POGK: variants seen among roughly 807,000 people sequenced by gnomAD.
POGK encodes pogo transposable element derived with KRAB domain, also known as pogo transposable element with KRAB domain.
Under a neutral mutation model 54.4 loss-of-function variants are expected in POGK, and 16 were observed. That is an observed-to-expected ratio of 0.29 (90% confidence interval 0.20 to 0.45). POGK has a LOEUF of 0.45. POGK is among the 20% of genes least tolerant of loss of function. The pLI is 1.00. For missense variants in POGK, 515 were observed against 795.6 expected (o/e 0.65, Z 4.24); for synonymous variants, 271 against 302.2 (o/e 0.90, Z 1.07).
At chr1:166,846,781 A>G (rs1196012609) in intron 3 of POGK, 43 bp downstream of exon 3, 2 of 1,610,956 alleles carry the variant, frequency 1.2e-6, no homozygotes, top group Admixed American at 3.3e-5. Flanking sequence ...CTCTGAGCCC[A>G]GAGAATTGTT....
intron 5 of POGK, 139 bp downstream of exon 5, chr1:166,850,562 C>A: frequency 1.1e-6 from 1 of 899,130 alleles, no homozygotes; most frequent in South Asian, 1.9e-5. Flanking sequence ...TCCCCAACCC[C>A]CAGGTCACGG....
chr1:166,846,497 C>T, intron 2 of POGK, 115 bp from the exon 3 acceptor site: 1 of 1,378,318 alleles, frequency 7.3e-7, no homozygotes, highest in South Asian at 1.3e-5. Flanking sequence ...CAGGGTCCCT[C>T]ACCTGACCTG....
Position 166,841,089 on chromosome 1 carries a change from G to T in POGK, c.132+1G>T. The stretch of plus-strand genomic sequence containing the variant: ...ACGAATCTGCTCTGAGGGCGGATGG[G>T]TAAGTAAGAAGGTGTGGAGTCCACA... On this transcript the variant is annotated splice_donor_variant, in intron 2 of 5. Coordinates refer to ENST00000367876, the MANE Select transcript of POGK (RefSeq NM_017542.5). LOFTEE classifies it high-confidence loss of function. The T allele has an allele frequency of 6.2e-7, 1 of 1,613,516 alleles. No individual in the cohort carries two copies. The highest frequency in any genetic ancestry group is 8.5e-7 in the Non-Finnish European group (1 of 1,179,862).
intron 2 of POGK, among the ~76,000 whole-genome samples, chr1:166,845,357 CAAAAAAA>C (rs11464833): frequency 3.0e-5 from 3 of 100,928 alleles, no homozygotes; most frequent in East Asian, 4.8e-4. Context: ...GACTCCATCT[CAAAAAAA>C]AAAAAAAAAA....
At chr1:166,847,662 T>C in intron 4 of POGK, 70 bp downstream of exon 4, 3 of 1,175,258 alleles carry the variant, frequency 2.6e-6, no homozygotes, top group South Asian at 2.6e-5. Context: ...TCAGTGTACA[T>C]TCCACGGGGT....
chr1:166,841,100 G>A lies in POGK; in HGVS notation c.132+12G>A. 2 of 1,612,910 alleles carry A rather than the reference G, an allele frequency of 1.2e-6. No homozygotes were observed. The highest frequency in any genetic ancestry group is 1.7e-6 in the Non-Finnish European group (2 of 1,179,676). Reference sequence around the variant, plus strand: ...CTGAGGGCGGATGGGTAAGTAAGAAGGTGTGGAGTCCACACAGCCAGCAGA... The same window carrying A: ...CTGAGGGCGGATGGGTAAGTAAGAAAGTGTGGAGTCCACACAGCCAGCAGA... On this transcript the variant is annotated intron_variant, in intron 2 of 5. Coordinates refer to ENST00000367876, the MANE Select transcript of POGK (RefSeq NM_017542.5).
intron 2 of POGK, among the ~76,000 whole-genome samples, chr1:166,841,318 C>T (rs1158874031): frequency 6.6e-6 from 1 of 152,242 alleles, no homozygotes. Context: ...AATTGGAAGT[C>T]CTAGAAGCCA....
rs115721865 is a variant in POGK, at chr1:166,848,659, G to A, written c.359-279G>A. Among the ~76,000 whole-genome samples, 650 of 152,270 alleles carry A rather than the reference G, an allele frequency of 4.3e-3. 6 individuals carry two copies. The highest frequency in any genetic ancestry group is 0.015 in the African/African-American group (604 of 41,520). ...CCCAGCTCTGCCACTTTCTGGCTTG[G>A]CTACCTTGGTGCATTATGTAACCTC... On this transcript the variant is annotated intron_variant, in intron 4 of 5. Coordinates refer to ENST00000367876, the MANE Select transcript of POGK (RefSeq NM_017542.5).
At chr1:166,841,236 T>C in intron 2 of POGK, 148 bp downstream of exon 2, 1 of 1,110,246 alleles carries the variant, frequency 9.0e-7, no homozygotes, top group Non-Finnish European at 1.2e-6. Context: ...CTCTGTGGCT[T>C]TAAAAGGCAG....
At chr1:166,840,866 G>T in intron 1 of POGK, 89 bp from the exon 2 acceptor site, 1 of 1,531,902 alleles carries the variant, frequency 6.5e-7, no homozygotes, top group Non-Finnish European at 8.9e-7. Flanking sequence ...GGGCTAAAGA[G>T]GTTTGTATGT....
chr1:166,853,006 G>A lies in POGK; in HGVS notation c.*436G>A, dbSNP rs1658138171. The A allele has an allele frequency of 6.6e-6, 1 of 152,202 alleles. No homozygotes were observed. The highest frequency in any genetic ancestry group is 2.4e-5 in the African/African-American group (1 of 41,448). The allele number at this position is 152,202 out of a possible 1,614,324, so 9.4% of individuals were successfully genotyped here. A position where few individuals can be genotyped will look rare whatever the true frequency, so the allele number is the denominator to read the frequency against. On this transcript the variant is annotated 3_prime_UTR_variant, in exon 6 of 6. Coordinates refer to ENST00000367876, the MANE Select transcript of POGK (RefSeq NM_017542.5). The stretch of plus-strand genomic sequence containing the variant: ...TTCTATGGAGAAAACCTCAAGTAAA[G>A]TTTTATTCTGCCTTTGAAAATGCTT...
At position 166,856,050 on chromosome 1, in the gene POGK, G is replaced by A. The variant is rs1218102771; in HGVS notation, c.*3480G>A. The A allele has an allele frequency of 1.3e-5, 2 of 151,950 alleles. No homozygotes were observed. The highest frequency in any genetic ancestry group is 2.9e-5 in the Non-Finnish European group (2 of 68,016). The allele number at this position is 151,950 out of a possible 1,614,324, so 9.4% of individuals were successfully genotyped here. On this transcript the variant is annotated 3_prime_UTR_variant, in exon 6 of 6. Coordinates refer to ENST00000367876, the MANE Select transcript of POGK (RefSeq NM_017542.5). ...CATAAGAAATTACATACCTGGCCAG[G>A]TGCAGTAGTTCAGGCCTGTAATCCT...
Position 166,846,674 on chromosome 1 carries a change from G to T in POGK, c.195G>T (p.Thr65=). The part of the protein sequence containing the change: ...YFSDEEWEVL[T]EQQKALYREV... ...CCGATGAGGAATGGGAAGTTTTGAC[G>T]GAGCAACAAAAGGCCCTCTACCGGG... Residue 65 remains threonine (T), a synonymous_variant, in exon 3 of 6, where the codon ACG becomes ACT. Coordinates refer to ENST00000367876, the MANE Select transcript of POGK (RefSeq NM_017542.5). 1 of 1,614,096 alleles carries T rather than the reference G, an allele frequency of 6.2e-7. No homozygotes were observed. The highest frequency in any genetic ancestry group is 8.5e-7 in the Non-Finnish European group (1 of 1,180,010).
At chr1:166,846,204 TGGG>T (rs1657842360) in intron 2 of POGK, among the ~76,000 whole-genome samples, 1 of 151,856 alleles carries the variant, frequency 6.6e-6, no homozygotes, top group Non-Finnish European at 1.5e-5. Context: ...GGGAGGGAAT[TGGG>T]GGTGCTTGTG....
chr1:166,850,282 A>G lies in POGK; in HGVS notation c.1703A>G (p.Lys568Arg), dbSNP rs1437667557. The stretch of plus-strand genomic sequence containing the variant: ...AGTGAGTCCATCGTCCAAGGGTTCA[A>G]GAAGTGCCATATCTCCAGCAACTTG... ...ISSESIVQGF[K>R]KCHISSNLEE... The change falls in exon 5 of 6, where the codon AAG becomes AGG. Residue 568 changes from lysine to arginine, a missense_variant. Lys to Arg is a conservative substitution (Grantham distance 26). This residue lies in a region of POGK where 461 missense variants were observed against 743.5 expected (regional missense o/e 0.62). Coordinates refer to ENST00000367876, the MANE Select transcript of POGK (RefSeq NM_017542.5). The G allele has an allele frequency of 3.8e-6, 6 of 1,590,128 alleles. No homozygotes were observed. Among genetic ancestry groups the G allele is most frequent in the African/African-American group, 1.3e-5 (1 of 74,472 alleles).
chr1:166,849,567 C>T lies in POGK; in HGVS notation c.988C>T (p.His330Tyr). ...SLRHKVPVPQ[H>Y]LPEDLTEKLV... ...GAGGCATAAAGTGCCCGTGCCCCAG[C>T]ACCTGCCGGAAGACCTGACTGAGAA... Residue 330 changes from histidine to tyrosine, a missense_variant, in exon 5 of 6, where the codon CAC becomes TAC. By Grantham distance (83) the His-to-Tyr change is moderately conservative. Around this residue, in one of 2 missense-constraint regions of POGK, gnomAD observed 461 missense variants for 743.5 expected, o/e 0.62. Transcript: ENST00000367876. The T allele has an allele frequency of 1.2e-6, 2 of 1,614,290 alleles. No homozygotes were observed. Among genetic ancestry groups the T allele is most frequent in the South Asian group, 2.2e-5 (2 of 91,090 alleles).
chr1:166,846,617 G>C lies in POGK; in HGVS notation c.138G>C (p.Pro46=). The part of the protein sequence containing the change: ...VRICSEGGWV[P]ALFDEVAIYF... Reference sequence around the variant, plus strand: ...AGGGCTGTTCACTCTTCCAGGTACCGGCCCTATTTGATGAGGTGGCCATAT... The same window carrying C: ...AGGGCTGTTCACTCTTCCAGGTACCCGCCCTATTTGATGAGGTGGCCATAT... The change falls in exon 3 of 6, where the codon CCG becomes CCC. Residue 46 remains proline, a synonymous_variant. Coordinates refer to ENST00000367876, the MANE Select transcript of POGK (RefSeq NM_017542.5). 1 of 1,614,080 alleles carries C rather than the reference G, an allele frequency of 6.2e-7. No homozygotes were observed. The highest frequency in any genetic ancestry group is 1.1e-5 in the South Asian group (1 of 91,076).
intron 2 of POGK, among the ~76,000 whole-genome samples, chr1:166,844,825 A>G (rs965712362): frequency 2.0e-5 from 3 of 152,198 alleles, no homozygotes; most frequent in African/African-American, 7.2e-5. Flanking sequence ...TGTGGAGCCC[A>G]GGACATTTCA....
At chr1:166,845,354 T>G (rs1657801145) in intron 2 of POGK, among the ~76,000 whole-genome samples, 1 of 111,354 alleles carries the variant, frequency 9.0e-6, no homozygotes, top group Non-Finnish European at 1.7e-5. Context: ...CAAGACTCCA[T>G]CTCAAAAAAA....
Sources: gnomAD v4.1 joint callset for allele counts (sites outside exome capture counted in the v4.1 genomes callset) on GRCh38, gnomAD v4.1.1 for gene constraint, gnomAD v4.1.1 regional missense constraint, MANE v1.5 for transcripts, NCBI Gene and HGNC (gene_info 2026-07-23, HGNC 2026-07-21) for gene names.